The following GRIP2 variants were observed in gnomAD, a reference collection of about 807,000 sequenced individuals.
GRIP2 encodes the protein glutamate receptor-interacting protein 2.
A neutral mutation model predicts 108.3 loss-of-function variants in GRIP2; 58 were observed. The observed-to-expected ratio is 0.54, with a 90% CI of 0.43 to 0.67. GRIP2 has a LOEUF of 0.67. Among genes scored for constraint, GRIP2 ranks in the 30% least tolerant of loss-of-function variants. The probability of loss-of-function intolerance (pLI) is 0.00; values close to 1 mark genes in which losing one functional copy is unlikely to be tolerated. For synonymous variants in GRIP2, 586 were observed against 598.2 expected, an observed-to-expected ratio of 0.98 and a Z score of 0.30; for missense variants, 1,278 against 1,430.6, an observed-to-expected ratio of 0.89 and a Z score of 1.72.
At chr3:14,517,597 G>T (rs1007472261) in intron 10 of GRIP2, among the ~76,000 whole-genome samples, 175 bp downstream of exon 10, 4 of 148,402 alleles carry the variant, frequency 2.7e-5, no homozygotes, top group African/African-American at 1.0e-4. Context: ...AACCTCCCAG[G>T]CTGAAGCGAT....
the GRIP2 span, among the ~76,000 whole-genome samples, chr3:14,596,548 T>C: frequency 6.6e-6 from 1 of 152,038 alleles, no homozygotes; most frequent in South Asian, 2.1e-4. Context: ...CTGTGTACCA[T>C]GCAATATACT....
At chr3:14,573,860 C>G in the GRIP2 span, 1 of 1,347,974 alleles carries the variant, frequency 7.4e-7, no homozygotes, top group African/African-American at 1.4e-5. Context: ...CCAGCATGGG[C>G]GAGCACTCCT....
intron 10 of GRIP2, 81 bp downstream of exon 10, chr3:14,517,691 C>T (rs759509760): frequency 9.1e-6 from 14 of 1,538,360 alleles, no homozygotes; most frequent in Non-Finnish European, 1.2e-5. Context: ...TCTGAGTTTC[C>T]TTCCCTTAGA....
At chr3:14,497,684 C>T (rs531279512) in intron 21 of GRIP2, among the ~76,000 whole-genome samples, 46 of 151,932 alleles carry the variant, frequency 3.0e-4, no homozygotes, top group Non-Finnish European at 5.2e-4. Context: ...AAGCATCTTC[C>T]GACTGCCACA....
the GRIP2 span, among the ~76,000 whole-genome samples, chr3:14,590,475 C>T: frequency 6.6e-6 from 1 of 152,118 alleles, no homozygotes; most frequent in Non-Finnish European, 1.5e-5. Context: ...TGCATTTGGA[C>T]TTTTTCTCTC....
rs956318027 is a variant in GRIP2 at position 14,519,013 on chromosome 3, T to G, written c.1030+1097A>C. ...CTTGCAACGCTACCTCAGCTTTCCC[T>G]GTAAAGTGGGAGGACAGTAAGACTA... On this transcript the variant is annotated intron_variant, in intron 9 of 23. Transcript: ENST00000621039. Among the ~76,000 whole-genome samples the G allele has an allele frequency of 2.6e-5, 4 of 152,314 alleles. No homozygotes were observed. In the East Asian group the frequency reaches 7.7e-4, roughly 29 times the overall value.
Position 14,525,942 on chromosome 3 carries a change from G to C in GRIP2, c.41-11C>G, listed in dbSNP as rs2124930804. ...AGTAGGGCCCATCGTCTGCAGGAGA[G>C]AAAGAGGGAAAGGCCGAGTTCCACT... On this transcript the variant is annotated splice_polypyrimidine_tract_variant and intron_variant, in intron 1 of 23. Transcript: ENST00000621039. 6.4e-7 allele frequency: 1 copy of C among 1,552,490 alleles called. No homozygotes were observed.
Position 14,505,174 on chromosome 3 carries a change from C to G in GRIP2, c.2573+441G>C, listed in dbSNP as rs1280384778. 6.6e-6 allele frequency among the ~76,000 whole-genome samples: 1 copy of G among 152,190 alleles called. No homozygotes were observed. Among genetic ancestry groups the G allele is most frequent in the Non-Finnish European group, 1.5e-5 (1 of 68,036 alleles). The stretch of plus-strand genomic sequence containing the variant: ...AGGGTGGCCTGGGCCAGATGAGGAA[C>G]AGCATTTCTCCACAGCCTGCTCTCT... On this transcript the variant is annotated intron_variant, in intron 20 of 23. Transcript: ENST00000621039. This position sits in a 1 kb window ranked among gnomAD's most constrained non-coding sequence, Gnocchi z 4.2.
chr3:14,529,785 T>G (rs955647300), intron 1 of GRIP2, among the ~76,000 whole-genome samples: 4 of 152,324 alleles, frequency 2.6e-5, no homozygotes, highest in African/African-American at 9.6e-5. Flanking sequence ...TACAGTAGAC[T>G]GTTTCCTCGT....
chr3:14,563,290 C>T, the GRIP2 span, among the ~76,000 whole-genome samples: 1 of 152,068 alleles, frequency 6.6e-6, no homozygotes, highest in Non-Finnish European at 1.5e-5. Context: ...AAAAAAAGTT[C>T]TGTGGTTTGC....
rs756894126 is a variant in GRIP2, at chr3:14,496,554, T to C, written c.2686A>G (p.Ile896Val). 6.3e-6 allele frequency: 10 copies of C among 1,576,818 alleles called. No individual in the cohort carries two copies. In the East Asian group the frequency reaches 2.3e-4, roughly 37 times the overall value. ...SELLRELEAS[I>V]MTGTVQRVAL... ...ACCCTCTGCACGGTGCCCGTCATGA[T>C]GGATGCCTGCAAGGAACACGGCCTT... The change falls in exon 22 of 24, where the codon ATC (isoleucine) becomes GTC (valine). Residue 896 changes from isoleucine to valine, a missense_variant. Ile to Val is a conservative substitution (Grantham distance 29, BLOSUM62 3). Transcript: ENST00000621039.
the GRIP2 span, among the ~76,000 whole-genome samples, chr3:14,582,908 C>T: frequency 8.5e-5 from 13 of 152,356 alleles, no homozygotes; most frequent in African/African-American, 3.1e-4. Context: ...CCACTGGGTC[C>T]TGAGGGCCTA....
chr3:14,494,563 G>A (rs1693526615), intron 23 of GRIP2, among the ~76,000 whole-genome samples: 1 of 152,240 alleles, frequency 6.6e-6, no homozygotes, highest in Non-Finnish European at 1.5e-5. Flanking sequence ...AGGAGGCCAC[G>A]TGTCTCAGAG....
At chr3:14,528,899 G>C (rs1694632776) in intron 1 of GRIP2, among the ~76,000 whole-genome samples, 1 of 152,052 alleles carries the variant, frequency 6.6e-6, no homozygotes, top group Non-Finnish European at 1.5e-5. Context: ...ATATATTCCG[G>C]ATACAAATCC....
upstream of GRIP2, among the ~76,000 whole-genome samples, chr3:14,545,841 A>C (rs1695049879): frequency 6.6e-6 from 1 of 152,240 alleles, no homozygotes; most frequent in Non-Finnish European, 1.5e-5. Flanking sequence ...CTAAGCACCT[A>C]CTACCTTCCA....
chr3:14,493,949 C>T, intron 23 of GRIP2, 123 bp from the exon 24 acceptor site: 1 of 867,588 alleles, frequency 1.2e-6, no homozygotes, highest in Non-Finnish European at 1.7e-6. Flanking sequence ...GCCCTGACAT[C>T]ACCAGCACCA....
the GRIP2 span, chr3:14,573,422 C>T: frequency 7.2e-7 from 1 of 1,396,240 alleles, no homozygotes; most frequent in Admixed American, 1.7e-5. Flanking sequence ...AGTGCAGGAT[C>T]CTGGTGTGCA....
At chr3:14,524,348 C>G (rs539404044) in intron 4 of GRIP2, 45 bp downstream of exon 4, 1 of 1,583,626 alleles carries the variant, frequency 6.3e-7, no homozygotes, top group South Asian at 1.2e-5. Flanking sequence ...CGTGTCCACC[C>G]GCAACCGAGG....
At chr3:14,549,490 G>T (rs963338886) in intron 1 of GRIP2, among the ~76,000 whole-genome samples, 62 of 152,210 alleles carry the variant, frequency 4.1e-4, no homozygotes, top group African/African-American at 1.5e-3. Flanking sequence ...TGAACACGGT[G>T]GTGGCCATTC....
Sources: gnomAD v4.1 joint callset for allele counts (sites outside exome capture counted in the v4.1 genomes callset) on GRCh38, gnomAD v4.1.1 for gene constraint, Gnocchi (gnomAD v3.1) non-coding constraint, MANE v1.5 for transcripts, NCBI Gene and HGNC (gene_info 2026-07-23, HGNC 2026-07-21) for gene names.